The following GPR158 variants were observed in gnomAD, a reference collection of about 807,000 sequenced individuals.
GPR158 encodes metabotropic glycine receptor.
A neutral mutation model predicts 78.2 loss-of-function variants in GPR158; 30 were observed. The ratio of observed to expected loss-of-function variants is 0.38; its 90% confidence interval spans 0.29 to 0.52. GPR158 has a LOEUF of 0.52. Among genes scored for constraint, GPR158 ranks in the 20% least tolerant of loss-of-function variants. The pLI is 0.83. For missense variants in GPR158, 1,463 were observed against 1,523.5 expected, an observed-to-expected ratio of 0.96 and a Z score of 0.66; for synonymous variants, 581 against 591.1, an observed-to-expected ratio of 0.98 and a Z score of 0.25.
At chr10:25,498,044 G>C (rs1349233697) in intron 5 of GPR158, among the ~76,000 whole-genome samples, 1 of 152,186 alleles carries the variant, frequency 6.6e-6, no homozygotes, top group African/African-American at 2.4e-5. Flanking sequence ...AAAGTATGAG[G>C]AGCAGAAAGA....
At chr10:25,429,049 C>T (rs572995282) in intron 4 of GPR158, among the ~76,000 whole-genome samples, 1 of 152,038 alleles carries the variant, frequency 6.6e-6, no homozygotes, top group East Asian at 1.9e-4. Context: ...GGATAGCCCA[C>T]CTGAAGAATT....
Position 25,598,940 on chromosome 10 carries a change from G to A in GPR158, c.3314G>A (p.Gly1105Asp), listed in dbSNP as rs1837453527. The A allele has an allele frequency of 6.2e-7, 1 of 1,613,934 alleles. No homozygotes were observed. Among genetic ancestry groups the A allele is most frequent in the Non-Finnish European group, 8.5e-7 (1 of 1,179,964 alleles). ...LPERAKEENG[G>D]QPRAANVCAG... ...GAGAGGGCAAAAGAGGAGAACGGAG[G>A]TCAGCCTCGTGCAGCCAATGTGTGT... The change falls in exon 11 of 11, where the codon GGT becomes GAT. Residue 1105 changes from glycine to aspartate, a missense_variant. Physicochemically the swap from Gly to Asp is moderately conservative, Grantham distance 94. Transcript: ENST00000376351.
intron 5 of GPR158, among the ~76,000 whole-genome samples, chr10:25,471,177 CA>C (rs1364303282): frequency 6.7e-6 from 1 of 148,794 alleles, no homozygotes; most frequent in East Asian, 2.0e-4. Flanking sequence ...TCTCATTGTT[CA>C]ATTCCCACCT....
chr10:25,493,571 CCCTAGA>C (rs1297208587), intron 5 of GPR158, among the ~76,000 whole-genome samples: 2 of 152,098 alleles, frequency 1.3e-5, no homozygotes, highest in Non-Finnish European at 2.9e-5. Context: ...TCAGGAAACT[CCCTAGA>C]CTTTTTAGAT....
chr10:25,359,811 G>C (rs892699213), intron 2 of GPR158, among the ~76,000 whole-genome samples: 1 of 152,108 alleles, frequency 6.6e-6, no homozygotes. Context: ...GGTATTTCTG[G>C]TTCTAAATTC....
At chr10:25,563,602 T>C (rs373476240) in intron 6 of GPR158, among the ~76,000 whole-genome samples, 13 of 152,206 alleles carry the variant, frequency 8.5e-5, no homozygotes, top group African/African-American at 2.9e-4. Flanking sequence ...TTGGTTATTT[T>C]CTGAGTTGTT....
chr10:25,591,431 A>G (rs917987717), intron 8 of GPR158, among the ~76,000 whole-genome samples: 1 of 152,144 alleles, frequency 6.6e-6, no homozygotes, highest in African/African-American at 2.4e-5. Flanking sequence ...AATCTTTCCT[A>G]CAGAGCCCCA....
chr10:25,203,526 C>G (rs932407620), intron 1 of GPR158, among the ~76,000 whole-genome samples: 5 of 151,368 alleles, frequency 3.3e-5, no homozygotes, highest in East Asian at 1.9e-4. Context: ...TTCCCCATTG[C>G]TTGTTTTTGT....
chr10:25,359,467 T>C (rs968491087), intron 2 of GPR158, among the ~76,000 whole-genome samples: 1 of 152,080 alleles, frequency 6.6e-6, no homozygotes, highest in African/African-American at 2.4e-5. Flanking sequence ...GTCCATGTGT[T>C]CTCATTGTTC....
intron 2 of GPR158, among the ~76,000 whole-genome samples, chr10:25,361,409 A>C (rs754723965): frequency 1.3e-5 from 2 of 151,922 alleles, no homozygotes; most frequent in Non-Finnish European, 2.9e-5. Flanking sequence ...GTTTGCAAAT[A>C]TCTCTCAGAG....
chr10:25,458,813 C>T lies in GPR158; in HGVS notation c.1336-7838C>T, dbSNP rs150111945. The stretch of plus-strand genomic sequence containing the variant: ...AGTTTGTAATTCTCTAACTTACATA[C>T]ATTTTACTTTGGGAGTCTCTGCCAT... On this transcript the variant is annotated intron_variant, in intron 4 of 10. Transcript: ENST00000376351. Among the ~76,000 whole-genome samples, 6 of 152,326 alleles carry T rather than the reference C, an allele frequency of 3.9e-5. No homozygotes were observed. The East Asian group carries it at 9.6e-4, about 24-fold the overall frequency.
chr10:25,334,845 T>G (rs1855175516), intron 2 of GPR158, among the ~76,000 whole-genome samples: 1 of 151,980 alleles, frequency 6.6e-6, no homozygotes, highest in Non-Finnish European at 1.5e-5. Context: ...GTCTATTTGA[T>G]ATTTCCATCC....
chr10:25,249,580 T>G (rs1386782512), intron 2 of GPR158, among the ~76,000 whole-genome samples: 1 of 151,970 alleles, frequency 6.6e-6, no homozygotes, highest in Admixed American at 6.6e-5. Context: ...CATGTGGATT[T>G]TGTCTTTGGT....
intron 7 of GPR158, among the ~76,000 whole-genome samples, chr10:25,586,109 G>C (rs1837262306): frequency 6.6e-6 from 1 of 152,170 alleles, no homozygotes. Context: ...TCATATTGTA[G>C]AGGGCTAGGA....
Position 25,259,934 on chromosome 10 carries a change from ACT to A in GPR158, c.1008+38780_1008+38781del, listed in dbSNP as rs374774892. Among the ~76,000 whole-genome samples, 316 of 151,604 alleles carry A rather than the reference ACT, an allele frequency of 2.1e-3. 5 individuals are homozygous for A. Among genetic ancestry groups the A allele is most frequent in the African/African-American group, 7.5e-3 (309 of 41,366 alleles). ...AATTTTATATGCTGCTTATGGCTAA[ACT>A]CTATAAATCTAGTAAACTTTTCTTT... On this transcript the variant is annotated intron_variant, in intron 2 of 10. Coordinates refer to ENST00000376351, the MANE Select transcript of GPR158 (RefSeq NM_020752.3).
intron 4 of GPR158, among the ~76,000 whole-genome samples, chr10:25,430,764 G>A (rs1372391783): frequency 6.9e-6 from 1 of 144,232 alleles, no homozygotes; most frequent in African/African-American, 2.5e-5. Flanking sequence ...AATGGGGAAA[G>A]GATTCCCTAT....
chr10:25,332,030 A>G (rs1223776074), intron 2 of GPR158, among the ~76,000 whole-genome samples: 2 of 152,336 alleles, frequency 1.3e-5, no homozygotes, highest in African/African-American at 4.8e-5. Flanking sequence ...CTTTGTTTAT[A>G]TGTGACATCC....
chr10:25,537,092 A>G (rs983051557), intron 5 of GPR158, among the ~76,000 whole-genome samples: 2 of 152,218 alleles, frequency 1.3e-5, no homozygotes, highest in African/African-American at 4.8e-5. Context: ...AATGATTGTA[A>G]TCAATCTAAA....
intron 6 of GPR158, among the ~76,000 whole-genome samples, chr10:25,558,207 C>T (rs1036792890): frequency 3.3e-5 from 5 of 152,186 alleles, no homozygotes; most frequent in Non-Finnish European, 7.3e-5. Context: ...TTGGTTTCAA[C>T]TTGTTATATG....
Sources: allele counts gnomAD v4.1 joint callset (sites outside exome capture counted in the v4.1 genomes callset), GRCh38; gene constraint gnomAD v4.1.1; transcripts MANE v1.5; gene names NCBI Gene and HGNC (gene_info 2026-07-23, HGNC 2026-07-21).